The following ABCD2 variants were observed in gnomAD, a reference collection of about 807,000 sequenced individuals.
ABCD2 encodes the protein ATP binding cassette subfamily D member 2.
Under a neutral mutation model 70.9 loss-of-function variants are expected in ABCD2, and 36 were observed. That is an observed-to-expected ratio of 0.51 (90% CI 0.39 to 0.67). The LOEUF (loss-of-function observed/expected upper bound fraction) is 0.67, where lower values mean the gene tolerates loss of function less well. ABCD2 is among the 30% of genes least tolerant of loss of function. ABCD2 has a pLI of 0.00. For missense variants in ABCD2, 729 were observed against 890.2 expected (o/e 0.82, Z 2.30); for synonymous variants, 304 against 306.9 (o/e 0.99, Z 0.10).
chr12:39,581,652 G>C (rs1941597643), intron 7 of ABCD2, among the ~76,000 whole-genome samples: 1 of 152,120 alleles, frequency 6.6e-6, no homozygotes, highest in Non-Finnish European at 1.5e-5. Context: ...AATATTCTGG[G>C]CTTAACTTTT....
Position 39,578,402 on chromosome 12 carries a change from A to T in ABCD2, c.1877+1133T>A, listed in dbSNP as rs1462056539. Among the ~76,000 whole-genome samples the T allele has an allele frequency of 4.1e-5, 6 of 145,124 alleles. No homozygotes were observed. In the Admixed American group the frequency reaches 4.3e-4, roughly 10 times the overall value. On this transcript the variant is annotated intron_variant, in intron 8 of 9. Transcript: ENST00000308666. ...GGCAGGAGAATGACGTGAACCCGGG[A>T]GGCGGAGCTTGCAGTGAGCCGAGAT... is the stretch of plus-strand genomic sequence containing the variant.
rs1472517602 is a variant in ABCD2, at chr12:39,619,557, G to A, written c.59C>T (p.Ala20Val). ...DRVKWTRSSA[A>V]KRAACLVAAA... ...AGCCACCAGGCAGGCAGCCCTCTTAGCAGCACTCGATCTGGTCCATTTCAC... is the reference window on the plus strand; with the variant it reads ...AGCCACCAGGCAGGCAGCCCTCTTAACAGCACTCGATCTGGTCCATTTCAC... Residue 20 changes from alanine to valine, a missense_variant, in exon 1 of 10, where the codon GCT becomes GTT. Ala to Val is a moderately conservative substitution (Grantham distance 64, BLOSUM62 0). Coordinates refer to ENST00000308666, the MANE Select transcript of ABCD2 (RefSeq NM_005164.4). 5.0e-6 allele frequency: 8 copies of A among 1,611,168 alleles called. No homozygotes were observed. The highest frequency in any genetic ancestry group is 5.9e-6 in the Non-Finnish European group (7 of 1,180,006).
At chr12:39,601,546 T>C (rs1178049637) in intron 5 of ABCD2, among the ~76,000 whole-genome samples, 2 of 152,096 alleles carry the variant, frequency 1.3e-5, no homozygotes, top group Non-Finnish European at 2.9e-5. Flanking sequence ...TATTATGGTA[T>C]TTAAAGGGTA....
At chr12:39,542,273 C>T in the ABCD2 span, among the ~76,000 whole-genome samples, 1 of 152,040 alleles carries the variant, frequency 6.6e-6, no homozygotes, top group Non-Finnish European at 1.5e-5. Context: ...GCAATCCTGG[C>T]TAACATGGGG....
At chr12:39,597,251 ACT>A (rs370126139) in intron 6 of ABCD2, among the ~76,000 whole-genome samples, 1 of 151,470 alleles carries the variant, frequency 6.6e-6, no homozygotes, top group Non-Finnish European at 1.5e-5. Context: ...CTTCTCTCCC[ACT>A]CTCTCTCTAC....
chr12:39,571,091 G>T (rs1941441636), intron 9 of ABCD2, among the ~76,000 whole-genome samples: 1 of 152,008 alleles, frequency 6.6e-6, no homozygotes, highest in Non-Finnish European at 1.5e-5. Context: ...TGAGGATGTG[G>T]AAAAAAGGGA....
intron 6 of ABCD2, among the ~76,000 whole-genome samples, chr12:39,593,826 T>C (rs558516352): frequency 1.3e-5 from 2 of 152,222 alleles, no homozygotes; most frequent in African/African-American, 4.8e-5. Context: ...ATTAAGGGAC[T>C]ATTTTTGAAA....
chr12:39,591,441 GT>G (rs1436860841), intron 6 of ABCD2, among the ~76,000 whole-genome samples: 1 of 152,184 alleles, frequency 6.6e-6, no homozygotes, highest in African/African-American at 2.4e-5. Context: ...GCCAGGTGCA[GT>G]GGCTCGCATC....
At chr12:39,547,276 G>C (rs1052328219), downstream of ABCD2, among the ~76,000 whole-genome samples, 2 of 151,810 alleles carry the variant, frequency 1.3e-5, no homozygotes, top group African/African-American at 2.4e-5. Context: ...GGAAAAACAG[G>C]ATGGAGATTC....
chr12:39,608,283 C>T (rs1214751764), intron 2 of ABCD2, among the ~76,000 whole-genome samples: 3 of 152,068 alleles, frequency 2.0e-5, no homozygotes, highest in Non-Finnish European at 2.9e-5. Flanking sequence ...ATTATTTTTT[C>T]CAAAATGAGA....
intron 2 of ABCD2, among the ~76,000 whole-genome samples, chr12:39,610,708 G>C (rs1449913972): frequency 6.6e-6 from 1 of 152,166 alleles, no homozygotes; most frequent in Non-Finnish European, 1.5e-5. Context: ...TTTCTGTCTT[G>C]CTTTGGCAGA....
chr12:39,554,247 C>T (rs1941128772), intron 9 of ABCD2, 116 bp from the exon 10 acceptor site: 2 of 988,334 alleles, frequency 2.0e-6, no homozygotes, highest in Non-Finnish European at 2.9e-6. Context: ...TGCTATTTTA[C>T]ATTTGAGTTT....
At chr12:39,544,739 C>T in the ABCD2 span, among the ~76,000 whole-genome samples, 3 of 152,054 alleles carry the variant, frequency 2.0e-5, no homozygotes, top group Admixed American at 2.0e-4. Context: ...TGACAGGAGA[C>T]ATAGTGGGAA....
At chr12:39,534,760 G>GAGAGAGAGAA in the ABCD2 span, among the ~76,000 whole-genome samples, 1 of 113,180 alleles carries the variant, frequency 8.8e-6, no homozygotes, top group Non-Finnish European at 1.7e-5. Context: ...AAGAAAGAAA[G>GAGAGAGAGAA]AGAAAGAAAG....
At chr12:39,534,701 C>G in the ABCD2 span, among the ~76,000 whole-genome samples, 1 of 111,210 alleles carries the variant, frequency 9.0e-6, no homozygotes. Flanking sequence ...GAAGGAAGGA[C>G]GGAAGGAAGG....
chr12:39,532,569 T>C, the ABCD2 span, among the ~76,000 whole-genome samples: 110 of 152,306 alleles, frequency 7.2e-4, 1 homozygote, highest in African/African-American at 2.6e-3. Flanking sequence ...AATTCTTCCA[T>C]TCCACTCTTG....
At chr12:39,560,620 ATACTT>A (rs1434107731) in intron 9 of ABCD2, among the ~76,000 whole-genome samples, 1 of 152,172 alleles carries the variant, frequency 6.6e-6, no homozygotes, top group African/African-American at 2.4e-5. Flanking sequence ...CAATTTGTAT[ATACTT>A]TAACAACTAA....
At chr12:39,546,241 C>G (rs1941024204), downstream of ABCD2, among the ~76,000 whole-genome samples, 1 of 152,102 alleles carries the variant, frequency 6.6e-6, no homozygotes, top group Admixed American at 6.6e-5. Context: ...TCTTCTCCTA[C>G]AGTAATTTTA....
chr12:39,600,828 GGGCAAA>G, intron 5 of ABCD2, 112 bp from the exon 6 acceptor site: 1 of 958,198 alleles, frequency 1.0e-6, no homozygotes, highest in Admixed American at 3.2e-5. Context: ...AACCTAGGTT[GGGCAAA>G]AGATCAAGGA....
Sources: allele counts gnomAD v4.1 joint callset (sites outside exome capture counted in the v4.1 genomes callset), GRCh38; gene constraint gnomAD v4.1.1; transcripts MANE v1.5; gene names NCBI Gene and HGNC (gene_info 2026-07-23, HGNC 2026-07-21).